Variants in RELN observed in about 807,000 individuals in gnomAD.
RELN encodes the protein reelin.
Under a neutral mutation model 427.6 loss-of-function variants are expected in RELN, and 108 were observed. The observed-to-expected ratio is 0.25, with a 90% confidence interval of 0.22 to 0.30. RELN has a LOEUF of 0.30. RELN is among the 10% of genes least tolerant of loss of function. The probability of loss-of-function intolerance (pLI) is 1.00; values close to 1 mark genes in which losing one functional copy is unlikely to be tolerated. For synonymous variants in RELN, 1,524 were observed against 1,513.4 expected (o/e 1.01, Z -0.16); for missense variants, 3,715 against 4,302.8 (o/e 0.86, Z 3.82).
In RELN at chr7:103,872,043, CTTTT is replaced by C. The variant is rs374943426; in HGVS notation, c.338-38375_338-38372del. ...ATATATATATATATTTTTCTTTTTT[CTTTT>C]TTTTCTTTTTTTATTTATTTATTTT... On this transcript the variant is annotated intron_variant, in intron 2 of 64. Coordinates refer to ENST00000428762, the MANE Select transcript of RELN (RefSeq NM_005045.4). 4.4e-3 allele frequency among the ~76,000 whole-genome samples: 526 copies of C among 119,544 alleles called. 12 individuals are homozygous for C. The highest frequency in any genetic ancestry group is 3.8e-3 in the East Asian group (15 of 3,954). 78.4% of individuals were successfully genotyped at this position (119,544 alleles called of 152,430 possible). A position where few individuals can be genotyped will look rare whatever the true frequency, so the allele number is the denominator to read the frequency against.
intron 7 of RELN, among the ~76,000 whole-genome samples, chr7:103,726,765 T>C (rs1790221941): frequency 6.6e-6 from 1 of 152,138 alleles, no homozygotes; most frequent in Non-Finnish European, 1.5e-5. Context: ...AAAAATTAAA[T>C]TTGTGTTAAG....
At chr7:103,855,103 G>A (rs1467283331) in intron 2 of RELN, among the ~76,000 whole-genome samples, 1 of 152,232 alleles carries the variant, frequency 6.6e-6, no homozygotes, top group Admixed American at 6.5e-5. Flanking sequence ...TGAATGTAGA[G>A]TATCTGGTGT....
At chr7:103,980,179 C>A (rs1222905900) in intron 1 of RELN, among the ~76,000 whole-genome samples, 2 of 150,812 alleles carry the variant, frequency 1.3e-5, no homozygotes, top group Non-Finnish European at 3.0e-5. Context: ...AAAAAAAATT[C>A]TTAATAAAAA....
intron 20 of RELN, among the ~76,000 whole-genome samples, chr7:103,616,727 T>C (rs931206532): frequency 1.1e-4 from 17 of 152,182 alleles, no homozygotes; most frequent in Non-Finnish European, 1.5e-4. Flanking sequence ...TTTACAACAT[T>C]TAATTGCCAT....
intron 45 of RELN, 99 bp downstream of exon 45, chr7:103,538,979 T>G (rs1830117016): frequency 1.5e-6 from 2 of 1,345,122 alleles, no homozygotes; most frequent in Non-Finnish European, 2.1e-6. Context: ...GTGTTTTATT[T>G]ACAGACCTAT....
At chr7:103,935,491 C>A (rs1795961803) in intron 1 of RELN, among the ~76,000 whole-genome samples, 1 of 152,024 alleles carries the variant, frequency 6.6e-6, no homozygotes. Context: ...CCTCCCCAAC[C>A]CTAAAGGCCA....
intron 1 of RELN, among the ~76,000 whole-genome samples, chr7:103,979,786 C>T (rs1796952986): frequency 6.6e-6 from 1 of 152,172 alleles, no homozygotes; most frequent in Admixed American, 6.5e-5. Flanking sequence ...AATGTCCCTC[C>T]CCACCTACAT....
At chr7:103,888,244 AAT>A (rs58051859) in intron 2 of RELN, among the ~76,000 whole-genome samples, 25,511 of 116,628 alleles carry the variant, frequency 0.22, 2,840 homozygotes, top group African/African-American at 0.37. Flanking sequence ...AAGAAAAAAA[AAT>A]ATATATATAT....
intron 2 of RELN, among the ~76,000 whole-genome samples, chr7:103,896,561 G>A (rs1046285544): frequency 2.0e-5 from 3 of 152,166 alleles, no homozygotes; most frequent in African/African-American, 7.2e-5. Flanking sequence ...ACTAATCTAT[G>A]GTTGAATAAA....
At chr7:103,881,297 G>A (rs1405333212) in intron 2 of RELN, among the ~76,000 whole-genome samples, 2 of 152,042 alleles carry the variant, frequency 1.3e-5, no homozygotes, top group African/African-American at 2.4e-5. Flanking sequence ...TGTTGGTCAC[G>A]TTATCCTAAT....
At chr7:103,862,442 T>TCTAC (rs1794094551) in intron 2 of RELN, among the ~76,000 whole-genome samples, 1 of 151,900 alleles carries the variant, frequency 6.6e-6, no homozygotes, top group Non-Finnish European at 1.5e-5. Context: ...TATCTATCTA[T>TCTAC]CTATCTATCT....
chr7:103,495,908 A>T lies in RELN; in HGVS notation c.9194-10T>A, dbSNP rs1242391167. On this transcript the variant is annotated splice_polypyrimidine_tract_variant and intron_variant, in intron 56 of 64. Transcript: ENST00000428762. ...TCATGGGAAGTGCCTTCTGTTAAGG[A>T]AAATTGGAAGCAATATGGCATATTA... 3.7e-6 allele frequency: 6 copies of T among 1,613,664 alleles called. No individual in the cohort carries two copies. The highest frequency in any genetic ancestry group is 5.1e-6 in the Non-Finnish European group (6 of 1,179,734).
intron 13 of RELN, 26 bp from the exon 14 acceptor site, chr7:103,652,785 A>T (rs1183982604): frequency 1.2e-6 from 2 of 1,602,982 alleles, no homozygotes; most frequent in Non-Finnish European, 8.5e-7. Context: ...GACCAGAATC[A>T]CTCAAAATCC....
At chr7:103,931,402 C>T (rs188390386) in intron 1 of RELN, among the ~76,000 whole-genome samples, 1 of 152,232 alleles carries the variant, frequency 6.6e-6, no homozygotes, top group African/African-American at 2.4e-5. Flanking sequence ...TTCATTCTTC[C>T]TCTCAGCTCT....
intron 2 of RELN, among the ~76,000 whole-genome samples, chr7:103,877,799 T>C (rs1422110098): frequency 1.3e-5 from 2 of 151,248 alleles, no homozygotes; most frequent in East Asian, 3.9e-4. Flanking sequence ...GGCCCTCCCT[T>C]CTTCCTTCGT....
In RELN at chr7:103,810,351, T is replaced by A. The variant is rs6944148; in HGVS notation, c.473+23186A>T. ...TTTGTCACTCGGGCCTTGAAAGCAA[T>A]AGGTCATCCATCTTCTTTTCAGTTC... On this transcript the variant is annotated intron_variant, in intron 3 of 64. Coordinates refer to ENST00000428762, the MANE Select transcript of RELN (RefSeq NM_005045.4). Among the ~76,000 whole-genome samples the A allele has an allele frequency of 4.9e-3, 753 of 152,308 alleles. 8 individuals carry two copies. Among genetic ancestry groups the A allele is most frequent in the African/African-American group, 0.017 (709 of 41,582 alleles).
chr7:103,502,641 T>C (rs1829072746), intron 52 of RELN, among the ~76,000 whole-genome samples: 1 of 152,196 alleles, frequency 6.6e-6, no homozygotes, highest in Non-Finnish European at 1.5e-5. Flanking sequence ...CTATCATGGA[T>C]TGATAAGGCA....
chr7:103,776,056 T>C (rs995050933), intron 4 of RELN, among the ~76,000 whole-genome samples: 52 of 152,232 alleles, frequency 3.4e-4, no homozygotes, highest in African/African-American at 1.2e-3. Context: ...CCCGGTCACA[T>C]ATATCTGACA....
At chr7:103,623,936 A>G (rs1832272120) in intron 20 of RELN, among the ~76,000 whole-genome samples, 1 of 152,162 alleles carries the variant, frequency 6.6e-6, no homozygotes, top group South Asian at 2.1e-4. Flanking sequence ...ACCTTAACAA[A>G]TAACCCATCT....
Sources: gnomAD v4.1 joint callset for allele counts (sites outside exome capture counted in the v4.1 genomes callset) on GRCh38, gnomAD v4.1.1 for gene constraint, MANE v1.5 for transcripts, NCBI Gene and HGNC (gene_info 2026-07-23, HGNC 2026-07-21) for gene names.